The following C9orf78 variants were observed in gnomAD, a reference collection of about 807,000 sequenced individuals.
The protein encoded by C9orf78 is chromosome 9 open reading frame 78, also known as splicing factor C9orf78.
A neutral mutation model predicts 37.4 loss-of-function variants in C9orf78; 19 were observed. The observed-to-expected ratio is 0.51, with a 90% CI of 0.35 to 0.74. The LOEUF is 0.74. C9orf78 is among the 30% of genes least tolerant of loss of function. C9orf78 has a pLI of 0.01. For missense variants in C9orf78, 291 were observed against 370.8 expected (o/e 0.78, Z 1.77); for synonymous variants, 130 against 128.0 (o/e 1.02, Z -0.10).
intron 1 of C9orf78, 38 bp from the exon 2 acceptor site, chr9:129,834,804 G>C (rs1588227275): frequency 6.7e-7 from 1 of 1,491,420 alleles, no homozygotes; most frequent in Non-Finnish European, 9.3e-7. Flanking sequence ...CATAAGCTGA[G>C]TGATTCCCCG....
chr9:129,828,301 T>G (rs1293071652), intron 8 of C9orf78, 49 bp from the exon 9 acceptor site: 5 of 1,092,378 alleles, frequency 4.6e-6, no homozygotes, highest in East Asian at 2.4e-5. Context: ...TGGAACCCAC[T>G]GCTAGACTTT....
Position 129,834,336 on chromosome 9 carries a change from G to GA in C9orf78, c.143+370dup, listed in dbSNP as rs1197898033. The GA allele has an allele frequency of 8.3e-5, 19 of 229,590 alleles. No homozygotes were observed. In the East Asian group the frequency reaches 1.1e-3, roughly 13 times the overall value. 14.2% of individuals were successfully genotyped at this position (229,590 alleles called of 1,614,324 possible). On this transcript the variant is annotated intron_variant, in intron 2 of 8. Coordinates refer to ENST00000372447, the MANE Select transcript of C9orf78 (RefSeq NM_016520.3). ...GTGCATTCTTGGGTGGCTCTGCAAGGAAAAAAAATGTTAACACTGATCATT... is the reference window on the plus strand; with the variant it reads ...GTGCATTCTTGGGTGGCTCTGCAAGGAAAAAAAAATGTTAACACTGATCATT...
intron 5 of C9orf78, chr9:129,831,664 T>C: frequency 2.2e-6 from 1 of 462,686 alleles, no homozygotes; most frequent in South Asian, 2.4e-5. Flanking sequence ...CCTCAGATGA[T>C]CCACCTGCCT....
Position 129,835,206 on chromosome 9 carries a change from T to G in C9orf78, c.16A>C (p.Lys6Gln), listed in dbSNP as rs756134527. ...TCGCCCCGGCGGCGACGGAAAATCTTCCGGACGACCGGCATGGTGACAACG... is the reference window on the plus strand; with the variant it reads ...TCGCCCCGGCGGCGACGGAAAATCTGCCGGACGACCGGCATGGTGACAACG... MPVVRKIFRRRRGDSE... is the reference protein window; with the variant it reads MPVVRQIFRRRRGDSE... The change falls in exon 1 of 9, where the codon AAG becomes CAG. Residue 6 changes from lysine to glutamine, a missense_variant. Around this residue, in one of 3 missense-constraint regions of C9orf78, gnomAD observed 158 missense variants for 174.8 expected, o/e 0.90. Coordinates refer to ENST00000372447, the MANE Select transcript of C9orf78 (RefSeq NM_016520.3). 5.6e-6 allele frequency: 9 copies of G among 1,609,974 alleles called. No homozygotes were observed. Among genetic ancestry groups the G allele is most frequent in the African/African-American group, 5.4e-5 (4 of 74,486 alleles).
At chr9:129,833,037 G>GTA (rs1403736290) in intron 4 of C9orf78, among the ~76,000 whole-genome samples, 3 of 149,040 alleles carry the variant, frequency 2.0e-5, no homozygotes, top group Admixed American at 6.7e-5. Context: ...ATACATGTGT[G>GTA]TATATACATA....
chr9:129,835,030 C>T (rs1336270961), intron 1 of C9orf78, 109 bp downstream of exon 1: 1 of 932,240 alleles, frequency 1.1e-6, no homozygotes, highest in Non-Finnish European at 1.7e-6. Flanking sequence ...CAGAAGGAAC[C>T]ACCACCCGAG....
At chr9:129,830,701 G>A (rs1453694380) in intron 6 of C9orf78, 170 bp downstream of exon 6, 8 of 588,064 alleles carry the variant, frequency 1.4e-5, no homozygotes, top group East Asian at 3.0e-5. Context: ...TAGTAGAGAC[G>A]GGGTTCGACC....
chr9:129,834,651 A>G, intron 2 of C9orf78, 56 bp downstream of exon 2: 1 of 1,242,290 alleles, frequency 8.0e-7, no homozygotes, highest in Non-Finnish European at 1.2e-6. Flanking sequence ...AGCGACCCGG[A>G]CGCGGATGTG....
intron 2 of C9orf78, 34 bp downstream of exon 2, chr9:129,834,673 C>G: frequency 6.5e-7 from 1 of 1,536,556 alleles, no homozygotes; most frequent in Non-Finnish European, 9.0e-7. Context: ...CTGTCGTCCC[C>G]GCCGCCTCCT....
chr9:129,830,675 C>T, intron 6 of C9orf78, 196 bp downstream of exon 6: 1 of 539,642 alleles, frequency 1.9e-6, no homozygotes, highest in Non-Finnish European at 3.4e-6. Context: ...CCATGCCCAG[C>T]TAATTTTTGT....
chr9:129,828,713 G>A (rs766122082), intron 8 of C9orf78: 80 of 235,304 alleles, frequency 3.4e-4, no homozygotes, highest in Non-Finnish European at 6.1e-4. Flanking sequence ...ATGGGCCACC[G>A]AGCATGGCCA....
chr9:129,828,797 C>T (rs1428593752), intron 8 of C9orf78: 1 of 330,584 alleles, frequency 3.0e-6, no homozygotes, highest in Non-Finnish European at 5.8e-6. Flanking sequence ...GTGGTCCAAT[C>T]ATAGCTCACT....
chr9:129,830,719 C>T, intron 6 of C9orf78, 152 bp downstream of exon 6: 3 of 627,188 alleles, frequency 4.8e-6, no homozygotes, highest in East Asian at 5.7e-5. Flanking sequence ...ACCATCTTGG[C>T]CGGGCTGGTC....
At position 129,828,028 on chromosome 9, in the gene C9orf78, G is replaced by A. The variant is rs2031386084; in HGVS notation, c.*133C>T. ...GGCTGGTCTCAAACTCCCGACCTCA[G>A]GTGATCCGCCCACCTCGGCCTCCCA... On this transcript the variant is annotated 3_prime_UTR_variant, in exon 9 of 9. Transcript: ENST00000372447. 6 of 538,992 alleles carry A rather than the reference G, an allele frequency of 1.1e-5. No homozygotes were observed. Among genetic ancestry groups the A allele is most frequent in the Non-Finnish European group, 1.5e-5 (4 of 272,504 alleles). The allele number at this position is 538,992 out of a possible 1,614,324, so 33.4% of individuals were successfully genotyped here.
rs1422833370 is a variant in C9orf78, at chr9:129,831,903, C to T, written c.337G>A (p.Ala113Thr). The change falls in exon 5 of 9, where the codon GCA (alanine) becomes ACA (threonine). Residue 113 changes from alanine (A) to threonine (T), a missense_variant. This residue lies in a region of C9orf78 where 158 missense variants were observed against 174.8 expected (regional missense o/e 0.90). Coordinates refer to ENST00000372447, the MANE Select transcript of C9orf78 (RefSeq NM_016520.3). Reference sequence around the variant, plus strand: ...AAACAGACTGACACTTACATGTCTGCATCCTCATCCCTTCGGTTGGTTTCT... The same window carrying T: ...AAACAGACTGACACTTACATGTCTGTATCCTCATCCCTTCGGTTGGTTTCT... ...SAETNRRDED[A>T]DMMKYIETEL... The T allele has an allele frequency of 2.6e-6, 4 of 1,551,494 alleles. No individual in the cohort carries two copies. In the South Asian group the frequency reaches 3.3e-5, roughly 13 times the overall value.
At chr9:129,831,610 G>A in intron 5 of C9orf78, 2 of 319,280 alleles carry the variant, frequency 6.3e-6, no homozygotes, top group South Asian at 3.5e-5. Context: ...TTTCAGTAGG[G>A]ACGGGGTTTC....
intron 4 of C9orf78, among the ~76,000 whole-genome samples, chr9:129,832,938 T>C (rs2031538217): frequency 6.6e-6 from 1 of 151,890 alleles, no homozygotes; most frequent in Non-Finnish European, 1.5e-5. Context: ...TACAGGCACA[T>C]GCCACCACAC....
chr9:129,829,282 G>C lies in C9orf78; in HGVS notation c.701C>G (p.Ala234Gly). The change falls in exon 8 of 9, where the codon GCG becomes GGG. Residue 234 changes from alanine (A) to glycine (G), a missense_variant. Around this residue, in one of 3 missense-constraint regions of C9orf78, gnomAD observed 120 missense variants for 148.7 expected, o/e 0.81. Transcript: ENST00000372447. ...HNRFYHEELN[A>G]PIRRNKEEPK... ...CTCTTCTTTGTTTCTCCGTATGGGC[G>C]CGTTGAGCTCCTCATGATAAACTGG... The C allele has an allele frequency of 6.2e-7, 1 of 1,609,680 alleles. No individual in the cohort carries two copies. The highest frequency in any genetic ancestry group is 8.5e-7 in the Non-Finnish European group (1 of 1,177,978).
chr9:129,830,812 TC>T, intron 6 of C9orf78, 58 bp downstream of exon 6: 1 of 1,229,938 alleles, frequency 8.1e-7, no homozygotes, highest in East Asian at 2.3e-5. Flanking sequence ...GCCTGGCCTG[TC>T]CCCCATAACT....
Sources: allele counts gnomAD v4.1 joint callset (sites outside exome capture counted in the v4.1 genomes callset), GRCh38; gene constraint gnomAD v4.1.1; regional missense constraint gnomAD v4.1.1; transcripts MANE v1.5; gene names NCBI Gene and HGNC (gene_info 2026-07-23, HGNC 2026-07-21).